TLE3: variants seen among roughly 807,000 people sequenced by gnomAD.
The protein encoded by TLE3 is transducin-like enhancer protein 3.
In TLE3, 14 loss-of-function variants were observed where a neutral mutation model predicts 93.0. The observed-to-expected ratio is 0.15, with a 90% CI of 0.10 to 0.24. TLE3 has a LOEUF of 0.24. TLE3 is among the 10% of genes least tolerant of loss of function. TLE3 has a pLI of 1.00. For missense variants in TLE3, 693 were observed against 1,046.6 expected, an observed-to-expected ratio of 0.66 and a Z score of 4.66; for synonymous variants, 451 against 425.0, an observed-to-expected ratio of 1.06 and a Z score of -0.75.
At chr15:70,080,194 G>A (rs1301617660) in intron 4 of TLE3, among the ~76,000 whole-genome samples, 5 of 152,168 alleles carry the variant, frequency 3.3e-5, no homozygotes, top group African/African-American at 1.2e-4. Flanking sequence ...TAAGGCGGCT[G>A]TAGTTTCCAG....
intron 19 of TLE3, chr15:70,050,692 T>A (rs1196806316): frequency 6.4e-6 from 1 of 155,164 alleles, no homozygotes; most frequent in South Asian, 2.0e-4. Flanking sequence ...ACACCAGACA[T>A]TTCAGCCTGG....
At chr15:70,075,225 A>G (rs2141814892) in intron 5 of TLE3, among the ~76,000 whole-genome samples, 1 of 152,362 alleles carries the variant, frequency 6.6e-6, no homozygotes, top group South Asian at 2.1e-4. Context: ...GTCAATGTAG[A>G]TTCATCAGTT....
chr15:70,054,802 C>A (rs895301416), intron 15 of TLE3, 117 bp from the exon 16 acceptor site: 2 of 1,372,974 alleles, frequency 1.5e-6, no homozygotes, highest in East Asian at 2.5e-5. Flanking sequence ...TCCCCCTATA[C>A]CCAGCAGCTG....
chr15:70,051,975 T>C (rs2055592513), intron 18 of TLE3, among the ~76,000 whole-genome samples: 1 of 151,852 alleles, frequency 6.6e-6, no homozygotes, highest in Non-Finnish European at 1.5e-5. Flanking sequence ...TCCACTAGAG[T>C]TCAGAGAGGG....
intron 5 of TLE3, among the ~76,000 whole-genome samples, chr15:70,075,048 C>G (rs1361251332): frequency 6.6e-6 from 1 of 152,220 alleles, no homozygotes; most frequent in African/African-American, 2.4e-5. Flanking sequence ...GTCAGGATAT[C>G]TGCAATTTAC....
chr15:70,054,398 C>G, intron 16 of TLE3, 40 bp downstream of exon 16: 1 of 1,586,460 alleles, frequency 6.3e-7, no homozygotes, highest in Non-Finnish European at 8.6e-7. Flanking sequence ...GTAAAAACTT[C>G]CCCAGGACGA....
Position 70,096,930 on chromosome 15 carries a change from G to T in TLE3, c.-132C>A. On this transcript the variant is annotated 5_prime_UTR_variant, in exon 1 of 20. It adds an upstream start codon to the 5' untranslated region. Transcript: ENST00000451782. Reference sequence around the variant, plus strand: ...CGAGAGCTCGCCCCCGGCCCCCCCAGCTCGTTCTCGCAGCGAAATCCCAGA... The same window carrying T: ...CGAGAGCTCGCCCCCGGCCCCCCCATCTCGTTCTCGCAGCGAAATCCCAGA... The T allele has an allele frequency of 9.9e-7, 1 of 1,014,990 alleles. No homozygotes were observed. Among genetic ancestry groups the T allele is most frequent in the Non-Finnish European group, 1.5e-6 (1 of 681,458 alleles). 62.9% of individuals were successfully genotyped at this position (1,014,990 alleles called of 1,614,324 possible).
chr15:70,061,986 G>A (rs558358773), intron 8 of TLE3, among the ~76,000 whole-genome samples: 8 of 152,308 alleles, frequency 5.3e-5, no homozygotes, highest in South Asian at 4.1e-4. Context: ...GAGGCCAAGC[G>A]TGGCTCAGGG....
intron 4 of TLE3, among the ~76,000 whole-genome samples, chr15:70,084,271 T>G (rs1320229720): frequency 6.6e-6 from 1 of 152,236 alleles, no homozygotes; most frequent in Non-Finnish European, 1.5e-5. Flanking sequence ...CCCAAGGGAT[T>G]CTGGCAATGT....
intron 2 of TLE3, 31 bp downstream of exon 2, chr15:70,096,130 C>T: frequency 6.5e-7 from 1 of 1,539,822 alleles, no homozygotes; most frequent in Non-Finnish European, 8.8e-7. Flanking sequence ...CCCCTCCCCG[C>T]CAGCCCCGGG....
rs1000427374 is a variant in TLE3, at chr15:70,063,228, T to C, written c.594+1226A>G. Among the ~76,000 whole-genome samples, 5 of 152,294 alleles carry C rather than the reference T, an allele frequency of 3.3e-5. No individual in the cohort carries two copies. In the East Asian group the frequency reaches 9.6e-4, roughly 29 times the overall value. The stretch of plus-strand genomic sequence containing the variant: ...AGAACTACACAGGGCCTCATAAAGC[T>C]GGGACCAGACCTCAGCCTTAAAATG... On this transcript the variant is annotated intron_variant, in intron 8 of 19. Transcript: ENST00000451782.
chr15:70,074,723 A>T lies in TLE3; in HGVS notation c.298-116T>A, dbSNP rs573476644. Reference sequence around the variant, plus strand: ...GGCCCAGAGCAGACAGAGGAGTCCCACTGAACAGGCACAGGGCACAAGTAG... The same window carrying T: ...GGCCCAGAGCAGACAGAGGAGTCCCTCTGAACAGGCACAGGGCACAAGTAG... On this transcript the variant is annotated intron_variant, in intron 5 of 19. Coordinates refer to ENST00000451782, the MANE Select transcript of TLE3 (RefSeq NM_001105192.3). 21 of 754,124 alleles carry T rather than the reference A, an allele frequency of 2.8e-5. No individual in the cohort carries two copies. The South Asian group carries it at 3.9e-4, about 14-fold the overall frequency. 46.7% of individuals were successfully genotyped at this position (754,124 alleles called of 1,614,324 possible).
chr15:70,058,198 T>G lies in TLE3; in HGVS notation c.1012A>C (p.Arg338=). 6.2e-7 allele frequency: 1 copy of G among 1,613,954 alleles called. No individual in the cohort carries two copies. The highest frequency in any genetic ancestry group is 8.5e-7 in the Non-Finnish European group (1 of 1,179,862). ...CCCGGAGGTTTACCCGGCATCGACC[T>G]GAGCCCTGGGGTCGTGCTGGTGCCT... is the stretch of plus-strand genomic sequence containing the variant. ...TPGTSTTPGL[R]SMPGKPPGMD... is the part of the protein sequence containing the mutation. The change falls in exon 12 of 20, where the codon AGG becomes CGG. Residue 338 remains arginine (R), a synonymous_variant. Coordinates refer to ENST00000451782, the MANE Select transcript of TLE3 (RefSeq NM_001105192.3). This position sits in a 1 kb window ranked among gnomAD's most constrained non-coding sequence, Gnocchi z 4.1.
rs965432724 is a variant in TLE3, at chr15:70,066,169, G to T, written c.422C>A (p.Pro141Gln). Residue 141 changes from proline (P) to glutamine (Q), a missense_variant, in exon 7 of 20, where the codon CCG (proline) becomes CAG (glutamine). Physicochemically the swap from Pro to Gln is moderately conservative, Grantham distance 76. This residue lies in a region of TLE3 where 104 missense variants were observed against 173.8 expected (regional missense o/e 0.60). Coordinates refer to ENST00000451782, the MANE Select transcript of TLE3 (RefSeq NM_001105192.3). The part of the protein sequence containing the change: ...QHLSHATHGP[P>Q]VQLPPHPSGL... ...TGACGGGTGGGGTGGCAACTGGACC[G>T]GGGGGCCGTGTGTGGCATGGGAGAG... The T allele has an allele frequency of 6.5e-7, 1 of 1,542,860 alleles. No individual in the cohort carries two copies. Among genetic ancestry groups the T allele is most frequent in the Non-Finnish European group, 8.7e-7 (1 of 1,146,080 alleles).
chr15:70,078,860 G>A (rs1278235158), intron 4 of TLE3, among the ~76,000 whole-genome samples: 3 of 152,172 alleles, frequency 2.0e-5, no homozygotes, highest in Non-Finnish European at 2.9e-5. Flanking sequence ...AGGGAGGCAG[G>A]GTGATTATAA....
chr15:70,074,569 C>T lies in TLE3; in HGVS notation c.336G>A (p.Lys112=). Residue 112 remains lysine, a synonymous_variant, in exon 6 of 20, where the codon AAG becomes AAA. Transcript: ENST00000451782. ...QQVAQAVERA[K]QVTMTELNAI... ...CGTTCAGCTCCGTCATGGTGACCTG[C>T]TTGGCGCGCTCCACTGCCTGCGCCA... The T allele has an allele frequency of 6.2e-7, 1 of 1,612,610 alleles. No individual in the cohort carries two copies. Among genetic ancestry groups the T allele is most frequent in the Non-Finnish European group, 8.5e-7 (1 of 1,179,432 alleles).
chr15:70,062,379 G>A (rs1262146245), intron 8 of TLE3, among the ~76,000 whole-genome samples: 6 of 152,272 alleles, frequency 3.9e-5, no homozygotes, highest in Admixed American at 6.5e-5. Context: ...GCAGGCGGGC[G>A]GGCAGGGGAG....
chr15:70,057,967 G>T, intron 12 of TLE3, 192 bp downstream of exon 12: 1 of 932,814 alleles, frequency 1.1e-6, no homozygotes, highest in Non-Finnish European at 1.6e-6. Context: ...CTGCTTTCAT[G>T]TCTGGCCCAG....
intron 4 of TLE3, among the ~76,000 whole-genome samples, chr15:70,085,654 C>T (rs1174923024): frequency 6.6e-6 from 1 of 152,232 alleles, no homozygotes; most frequent in Non-Finnish European, 1.5e-5. Flanking sequence ...TGGGTGCCTG[C>T]CACACACAAG....
Sources: gnomAD v4.1 joint callset for allele counts (sites outside exome capture counted in the v4.1 genomes callset) on GRCh38, gnomAD v4.1.1 for gene constraint, gnomAD v4.1.1 regional missense constraint, Gnocchi (gnomAD v3.1) non-coding constraint, MANE v1.5 for transcripts, NCBI Gene and HGNC (gene_info 2026-07-23, HGNC 2026-07-21) for gene names.